MYOM2: variants seen among roughly 807,000 people sequenced by gnomAD.
The protein encoded by MYOM2 is myomesin 2.
Under a neutral mutation model 187.6 loss-of-function variants are expected in MYOM2, and 254 were observed. That is an observed-to-expected ratio of 1.35 (90% confidence interval 1.22 to 1.50). The LOEUF (loss-of-function observed/expected upper bound fraction) is 1.50, where lower values mean the gene tolerates loss of function less well. Ranked by LOEUF, MYOM2 falls within the 40% of genes most tolerant of loss-of-function variation. MYOM2 has a pLI of 0.00. For synonymous variants in MYOM2, 981 were observed against 753.8 expected (o/e 1.30, Z -4.94); for missense variants, 2,796 against 1,924.0 (o/e 1.45, Z -8.48).
chr8:2,058,814 T>G (rs942839438), intron 5 of MYOM2, among the ~76,000 whole-genome samples: 3 of 152,200 alleles, frequency 2.0e-5, no homozygotes, highest in Non-Finnish European at 4.4e-5. Context: ...CCTGAGACAC[T>G]AGCTACACTG....
intron 9 of MYOM2, 52 bp from the exon 10 acceptor site, chr8:2,073,287 T>A: frequency 6.4e-7 from 1 of 1,566,110 alleles, no homozygotes; most frequent in Non-Finnish European, 8.7e-7. Context: ...AGGCTTTCTT[T>A]GCCTGCTGGG....
chr8:2,049,010 C>G (rs945646070), intron 1 of MYOM2, among the ~76,000 whole-genome samples: 2 of 152,044 alleles, frequency 1.3e-5, no homozygotes, highest in Non-Finnish European at 2.9e-5. Flanking sequence ...CCAGGGTAGT[C>G]TCAATCTCCT....
intron 6 of MYOM2, among the ~76,000 whole-genome samples, chr8:2,065,570 A>G (rs1818991708): frequency 6.6e-6 from 1 of 152,168 alleles, no homozygotes; most frequent in Admixed American, 6.5e-5. Context: ...ACTCCATCTC[A>G]ACAAAAAAGA....
chr8:2,108,896 G>C, intron 24 of MYOM2, 66 bp downstream of exon 24: 1 of 1,495,254 alleles, frequency 6.7e-7, no homozygotes, highest in Non-Finnish European at 9.3e-7. Context: ...GTTCATTAAT[G>C]CATGAGCTCT....
Position 2,090,004 on chromosome 8 carries a change from G to A in MYOM2, c.1645-4G>A, listed in dbSNP as rs749298773. ...GCCAGTCTCGTTTCTGTTTCTCTTTGTAGTCCGTGGTGGGGAGCGGCAGCT... is the reference window on the plus strand; with the variant it reads ...GCCAGTCTCGTTTCTGTTTCTCTTTATAGTCCGTGGTGGGGAGCGGCAGCT... On this transcript the variant is annotated splice_region_variant and splice_polypyrimidine_tract_variant and intron_variant, in intron 14 of 36. Coordinates refer to ENST00000262113, the MANE Select transcript of MYOM2 (RefSeq NM_003970.4). 1.2e-5 allele frequency: 19 copies of A among 1,613,312 alleles called. No individual in the cohort carries two copies. Among genetic ancestry groups the A allele is most frequent in the Non-Finnish European group, 1.4e-5 (17 of 1,179,628 alleles).
At chr8:2,122,076 C>T (rs981164507) in intron 28 of MYOM2, among the ~76,000 whole-genome samples, 1 of 152,068 alleles carries the variant, frequency 6.6e-6, no homozygotes, top group East Asian at 1.9e-4. Flanking sequence ...TGGAAAGGAC[C>T]AGCAATGTAA....
At chr8:2,088,995 T>TG (rs1380774653) in intron 14 of MYOM2, among the ~76,000 whole-genome samples, 1 of 151,932 alleles carries the variant, frequency 6.6e-6, no homozygotes, top group Non-Finnish European at 1.5e-5. Context: ...CATGACGCCC[T>TG]GGGGGCTCCC....
Position 2,141,308 on chromosome 8 carries a change from G to C in MYOM2, c.4001+131G>C, listed in dbSNP as rs118163281. The stretch of plus-strand genomic sequence containing the variant: ...AGAGCCATTCCTGGGACAGAAGTGG[G>C]AATTTAAGCAATGCAGTATATGGAG... On this transcript the variant is annotated intron_variant, in intron 34 of 36. Coordinates refer to ENST00000262113, the MANE Select transcript of MYOM2 (RefSeq NM_003970.4). 2,740 of 692,402 alleles carry C rather than the reference G, an allele frequency of 4.0e-3. 40 individuals carry two copies. The highest frequency in any genetic ancestry group is 0.034 in the East Asian group (1,244 of 36,166). The allele number at this position is 692,402 out of a possible 1,614,324, so 42.9% of individuals were successfully genotyped here.
At chr8:2,064,552 G>T (rs1298427429) in intron 6 of MYOM2, among the ~76,000 whole-genome samples, 3 of 152,194 alleles carry the variant, frequency 2.0e-5, no homozygotes, top group African/African-American at 4.8e-5. Flanking sequence ...GCTGCGGGAG[G>T]CCAAGCGGAT....
At chr8:2,060,215 C>T (rs1393837925) in intron 6 of MYOM2, among the ~76,000 whole-genome samples, 1 of 152,112 alleles carries the variant, frequency 6.6e-6, no homozygotes, top group Non-Finnish European at 1.5e-5. Context: ...TCCAGTGAAC[C>T]TGACTGCCTG....
Position 2,100,881 on chromosome 8 carries a change from G to C in MYOM2, c.2446G>C (p.Ala816Pro). Residue 816 changes from alanine (A) to proline (P), a missense_variant, in exon 20 of 37, where the codon GCC becomes CCC. Transcript: ENST00000262113. ...EAWTMPEPGP[A>P]YDLTFCEVRD... is the part of the protein sequence containing the mutation. ...GGTGGCATCTGACTTCACAGGTCCTGCCTACGACTTGACGTTCTGTGAGGT... is the reference window on the plus strand; with the variant it reads ...GGTGGCATCTGACTTCACAGGTCCTCCCTACGACTTGACGTTCTGTGAGGT... The C allele has an allele frequency of 6.2e-7, 1 of 1,614,146 alleles. No individual in the cohort carries two copies. The highest frequency in any genetic ancestry group is 8.5e-7 in the Non-Finnish European group (1 of 1,180,022).
At chr8:2,129,722 A>T (rs1797785905) in intron 32 of MYOM2, among the ~76,000 whole-genome samples, 1 of 152,192 alleles carries the variant, frequency 6.6e-6, no homozygotes, top group African/African-American at 2.4e-5. Context: ...CTGGGTCGGT[A>T]CGGATCACTG....
At chr8:2,073,723 C>A (rs1357403337) in intron 10 of MYOM2, among the ~76,000 whole-genome samples, 2 of 152,224 alleles carry the variant, frequency 1.3e-5, no homozygotes, top group Non-Finnish European at 2.9e-5. Flanking sequence ...CGGAATAGAC[C>A]AGAATCATCA....
At chr8:2,127,834 TTC>T in intron 31 of MYOM2, 1 of 155,752 alleles carries the variant, frequency 6.4e-6, no homozygotes, top group East Asian at 1.9e-4. Flanking sequence ...CATCTCTTCG[TTC>T]TTCCTCAACT....
At position 2,093,986 on chromosome 8, in the gene MYOM2, T is replaced by C. The variant is rs542780831; in HGVS notation, c.2020T>C (p.Leu674=). Residue 674 remains leucine, a synonymous_variant, in exon 17 of 37, where the codon TTA becomes CTA. Coordinates refer to ENST00000262113, the MANE Select transcript of MYOM2 (RefSeq NM_003970.4). The part of the protein sequence containing the change: ...IGYNRFVVHG[L]TTGEQYIFRV... ...GTTTCTCAGGTTCGTGGTGCACGGC[T>C]TAACCACGGGAGAGCAGTACATCTT... 1 of 1,614,186 alleles carries C rather than the reference T, an allele frequency of 6.2e-7. No homozygotes were observed. The highest frequency in any genetic ancestry group is 1.1e-5 in the South Asian group (1 of 91,078).
Position 2,106,394 on chromosome 8 carries a change from G to T in MYOM2, c.2887G>T (p.Asp963Tyr). 6.2e-7 allele frequency: 1 copy of T among 1,613,984 alleles called. No individual in the cohort carries two copies. The change falls in exon 22 of 37, where the codon GAT (aspartate) becomes TAT (tyrosine). Residue 963 changes from aspartate (D) to tyrosine (Y), a missense_variant. Physicochemically the swap from Asp to Tyr is radical, Grantham distance 160. Coordinates refer to ENST00000262113, the MANE Select transcript of MYOM2 (RefSeq NM_003970.4). ...DERFKIETVG[D>Y]HSKLYLKNPD... is the part of the protein sequence containing the mutation. ...GAGGTTTAAAATTGAAACCGTGGGG[G>T]ATCAGTAAGTGAGGCCTGGAAGTTG... is the stretch of plus-strand genomic sequence containing the variant.
chr8:2,106,657 C>A, intron 23 of MYOM2, 60 bp downstream of exon 23: 1 of 1,229,194 alleles, frequency 8.1e-7, no homozygotes, highest in Non-Finnish European at 1.1e-6. Flanking sequence ...CAAAGATTGA[C>A]ACCAACATAG....
In MYOM2 at chr8:2,085,352, C is replaced by G. The variant is rs746211785; in HGVS notation, c.1606C>G (p.Pro536Ala). ...YVVLSWEPPT[P>A]RGKDPLMYFI... ...CGTCCTCAGCTGGGAGCCACCCACTCCCCGTGGCAAGGACCCGCTCATGTA... is the reference window on the plus strand; with the variant it reads ...CGTCCTCAGCTGGGAGCCACCCACTGCCCGTGGCAAGGACCCGCTCATGTA... The change falls in exon 14 of 37, where the codon CCC becomes GCC. Residue 536 changes from proline to alanine, a missense_variant. Transcript: ENST00000262113. 1 of 1,613,786 alleles carries G rather than the reference C, an allele frequency of 6.2e-7. No individual in the cohort carries two copies. Among genetic ancestry groups the G allele is most frequent in the Non-Finnish European group, 8.5e-7 (1 of 1,179,966 alleles).
intron 32 of MYOM2, among the ~76,000 whole-genome samples, chr8:2,133,361 C>T (rs1563079537): frequency 6.6e-6 from 1 of 152,176 alleles, no homozygotes; most frequent in Non-Finnish European, 1.5e-5. Flanking sequence ...GAATTTTGGA[C>T]CACACTGAGA....
Sources: allele counts gnomAD v4.1 joint callset (sites outside exome capture counted in the v4.1 genomes callset), GRCh38; gene constraint gnomAD v4.1.1; transcripts MANE v1.5; gene names NCBI Gene and HGNC (gene_info 2026-07-23, HGNC 2026-07-21).